SLC45A2: variants seen among roughly 807,000 people sequenced by gnomAD.
SLC45A2 encodes the protein membrane-associated transporter protein.
A neutral mutation model predicts 45.5 loss-of-function variants in SLC45A2; 36 were observed. The ratio of observed to expected loss-of-function variants is 0.79; its 90% CI spans 0.61 to 1.04. SLC45A2 has a LOEUF of 1.04. Among genes scored for constraint, SLC45A2 ranks in the 50% least tolerant of loss-of-function variants. The probability of loss-of-function intolerance (pLI) is 0.00; values close to 1 mark genes in which losing one functional copy is unlikely to be tolerated. For synonymous variants in SLC45A2, 306 were observed against 269.3 expected (o/e 1.14, Z -1.33); for missense variants, 719 against 671.0 (o/e 1.07, Z -0.79).
intron 3 of SLC45A2, 91 bp downstream of exon 3, chr5:33,963,600 C>T (rs949345146): frequency 6.8e-6 from 10 of 1,463,874 alleles, no homozygotes; most frequent in Non-Finnish European, 9.5e-6. Context: ...CTCTTCTCGT[C>T]AAACAGACAA....
chr5:33,974,635 G>C (rs543948826), intron 2 of SLC45A2, among the ~76,000 whole-genome samples: 1 of 152,244 alleles, frequency 6.6e-6, no homozygotes, highest in South Asian at 2.1e-4. Flanking sequence ...CAAAAAGTTT[G>C]GCATGTATGC....
At chr5:33,956,845 C>T (rs1479323682) in intron 3 of SLC45A2, among the ~76,000 whole-genome samples, 1 of 152,122 alleles carries the variant, frequency 6.6e-6, no homozygotes, top group Admixed American at 6.5e-5. Flanking sequence ...GGCTAAACGG[C>T]TGGTATCATT....
intron 5 of SLC45A2, among the ~76,000 whole-genome samples, chr5:33,950,071 C>T (rs1468887602): frequency 6.6e-6 from 1 of 151,886 alleles, no homozygotes; most frequent in African/African-American, 2.4e-5. Flanking sequence ...GTGGCATGTG[C>T]TTGTGGTCCC....
chr5:33,960,781 G>T (rs539163205), intron 3 of SLC45A2, among the ~76,000 whole-genome samples: 1 of 152,158 alleles, frequency 6.6e-6, no homozygotes, highest in South Asian at 2.1e-4. Context: ...TTAAAAAAAG[G>T]GCATTAGTAG....
Position 33,984,641 on chromosome 5 carries a change from CTG to C in SLC45A2, c.-60_-59del. The C allele has an allele frequency of 1.9e-6, 3 of 1,599,520 alleles. No homozygotes were observed. Among genetic ancestry groups the C allele is most frequent in the Non-Finnish European group, 2.5e-6 (3 of 1,179,344 alleles). On this transcript the variant is annotated 5_prime_UTR_variant, in exon 1 of 7. Coordinates refer to ENST00000296589, the MANE Select transcript of SLC45A2 (RefSeq NM_016180.5). The stretch of plus-strand genomic sequence containing the variant: ...ACCACCTCCTGCGTGGTCCTAGGGT[CTG>C]TGTTTCAAACTGGATTTGACGTGGA...
At chr5:33,946,434 C>G in intron 6 of SLC45A2, 1 of 985,582 alleles carries the variant, frequency 1.0e-6, no homozygotes, top group Non-Finnish European at 1.2e-6. Flanking sequence ...TATATCATTG[C>G]TCCAGTTAAG....
At chr5:33,944,893 C>A (rs746017158) in intron 6 of SLC45A2, 21 bp from the exon 7 acceptor site, 1 of 1,597,864 alleles carries the variant, frequency 6.3e-7, no homozygotes, top group Non-Finnish European at 8.5e-7. Context: ...AGCACAGAAC[C>A]ACCATTTGAC....
In SLC45A2 at chr5:33,984,601, C is replaced by T. The variant is rs779895648; in HGVS notation, c.-18G>A. On this transcript the variant is annotated 5_prime_UTR_variant, in exon 1 of 7. Transcript: ENST00000296589. ...CTACCCATGGCCACTGGGAGAGGAA[C>T]CTTCCTGCGAGCCCACCACCTCCTG... 2.5e-6 allele frequency: 4 copies of T among 1,606,872 alleles called. No homozygotes were observed. The highest frequency in any genetic ancestry group is 3.4e-6 in the Non-Finnish European group (4 of 1,179,996).
In SLC45A2 at chr5:33,962,443, A is replaced by G. The variant is rs1752480700; in HGVS notation, c.888+1248T>C. ...TAGAAAATAGACTGGCCAAGCCAAC[A>G]AAAGAAGTTGACCTCACAGGAAGGT... On this transcript the variant is annotated intron_variant, in intron 3 of 6. Coordinates refer to ENST00000296589, the MANE Select transcript of SLC45A2 (RefSeq NM_016180.5). 2.0e-5 allele frequency among the ~76,000 whole-genome samples: 3 copies of G among 152,356 alleles called. No individual in the cohort carries two copies. The South Asian group carries it at 6.2e-4, about 32-fold the overall frequency.
chr5:33,947,323 G>A lies in SLC45A2; in HGVS notation c.1208C>T (p.Thr403Met), dbSNP rs141286272. 103 of 1,614,070 alleles carry A rather than the reference G, an allele frequency of 6.4e-5. No homozygotes were observed. The highest frequency in any genetic ancestry group is 7.9e-5 in the Non-Finnish European group (93 of 1,180,044). Residue 403 changes from threonine to methionine, a missense_variant, in exon 6 of 7, where the codon ACG becomes ATG. Physicochemically the swap from Thr to Met is moderately conservative, Grantham distance 81. Coordinates refer to ENST00000296589, the MANE Select transcript of SLC45A2 (RefSeq NM_016180.5). ...SYIGLKGLYF[T>M]GYLLFGLGTG... ...CCCCAGGCCAAACAGCAAATATCCCGTGAAGTAAAGACCCTTTAATCCAAT... is the reference window on the plus strand; with the variant it reads ...CCCCAGGCCAAACAGCAAATATCCCATGAAGTAAAGACCCTTTAATCCAAT...
intron 2 of SLC45A2, chr5:33,970,972 C>T (rs188223832): frequency 2.9e-5 from 14 of 483,634 alleles, no homozygotes; most frequent in South Asian, 1.6e-4. Flanking sequence ...AAGAATTTAC[C>T]AAACCGTATG....
chr5:33,966,134 T>C (rs1752594615), intron 2 of SLC45A2, among the ~76,000 whole-genome samples: 1 of 152,218 alleles, frequency 6.6e-6, no homozygotes, highest in African/African-American at 2.4e-5. Context: ...TCCTCCACTG[T>C]GCAATGGAAT....
intron 2 of SLC45A2, among the ~76,000 whole-genome samples, chr5:33,976,212 GGAAGGGCT>G (rs1752925904): frequency 6.6e-6 from 1 of 152,146 alleles, no homozygotes; most frequent in South Asian, 2.1e-4. Context: ...GAGAACACGG[GGAAGGGCT>G]GAAGGAAATC....
intron 3 of SLC45A2, among the ~76,000 whole-genome samples, chr5:33,958,638 T>C (rs915089437): frequency 3.9e-5 from 6 of 152,206 alleles, no homozygotes; most frequent in Non-Finnish European, 8.8e-5. Context: ...CACCTTGGCC[T>C]CATGAGTTGC....
chr5:33,968,434 C>A (rs535620251), intron 2 of SLC45A2, among the ~76,000 whole-genome samples: 2 of 152,298 alleles, frequency 1.3e-5, no homozygotes, highest in South Asian at 4.1e-4. Flanking sequence ...ACATCTGCTG[C>A]CACATTAGAT....
intron 6 of SLC45A2, chr5:33,946,337 C>T: frequency 1.0e-6 from 1 of 985,430 alleles, no homozygotes; most frequent in Non-Finnish European, 1.2e-6. Flanking sequence ...AAAACATGGC[C>T]AGAATTATAG....
At chr5:33,981,734 G>GT (rs1753077533) in intron 2 of SLC45A2, among the ~76,000 whole-genome samples, 1 of 152,180 alleles carries the variant, frequency 6.6e-6, no homozygotes, top group Admixed American at 6.5e-5. Flanking sequence ...AAGACGTTGA[G>GT]TTTTTTGTTT....
At chr5:33,952,676 T>G (rs1204880064) in intron 4 of SLC45A2, among the ~76,000 whole-genome samples, 2 of 21,086 alleles carry the variant, frequency 9.5e-5, no homozygotes, top group Non-Finnish European at 1.2e-3. Context: ...GAGCAAAAGT[T>G]TTTTTTTTTT....
At position 33,972,871 on chromosome 5, in the gene SLC45A2, C is replaced by T. The variant is rs866296769; in HGVS notation, c.563-8855G>A. Among the ~76,000 whole-genome samples the T allele has an allele frequency of 3.3e-5, 5 of 152,226 alleles. 1 individual carries two copies. Among genetic ancestry groups the T allele is most frequent in the African/African-American group, 1.2e-4 (5 of 41,526 alleles). On this transcript the variant is annotated intron_variant, in intron 2 of 6. Coordinates refer to ENST00000296589, the MANE Select transcript of SLC45A2 (RefSeq NM_016180.5). ...AAGAGAAGAATGTGTTGAAACTTTT[C>T]GTATTTGCTAGGTGAGCATTTTGTA...
Sources: allele counts gnomAD v4.1 joint callset (sites outside exome capture counted in the v4.1 genomes callset), GRCh38; gene constraint gnomAD v4.1.1; transcripts MANE v1.5; gene names NCBI Gene and HGNC (gene_info 2026-07-23, HGNC 2026-07-21).